The following KHDRBS2 variants were observed in gnomAD, a reference collection of about 807,000 sequenced individuals.
KHDRBS2 encodes KH RNA binding domain containing, signal transduction associated 2, also known as KH domain-containing, RNA-binding, signal transduction-associated protein 2.
KHDRBS2 carries 26 observed loss-of-function variants against 44.3 expected under a neutral mutation model. That is an observed-to-expected ratio of 0.59 (90% CI 0.43 to 0.81). The LOEUF (loss-of-function observed/expected upper bound fraction) is 0.81, where lower values mean the gene tolerates loss of function less well. KHDRBS2 is among the 40% of genes least tolerant of loss of function. The pLI is 0.00. For missense variants in KHDRBS2, 476 were observed against 433.1 expected (o/e 1.10, Z -0.88); for synonymous variants, 194 against 151.1 (o/e 1.28, Z -2.08).
At chr6:62,021,494 CCT>C (rs1227914749) in intron 3 of KHDRBS2, among the ~76,000 whole-genome samples, 3 of 151,790 alleles carry the variant, frequency 2.0e-5, no homozygotes, top group African/African-American at 7.2e-5. Flanking sequence ...TTCTGACAGT[CCT>C]CTTTTTACAC....
intron 1 of KHDRBS2, among the ~76,000 whole-genome samples, chr6:62,243,616 A>C (rs1268376579): frequency 2.6e-5 from 4 of 152,088 alleles, no homozygotes; most frequent in Non-Finnish European, 1.5e-5. Flanking sequence ...AAAAAAAAAA[A>C]AACTCATTAT....
At chr6:61,685,758 T>G (rs545490197) in intron 8 of KHDRBS2, among the ~76,000 whole-genome samples, 1 of 151,762 alleles carries the variant, frequency 6.6e-6, no homozygotes, top group African/African-American at 2.4e-5. Flanking sequence ...ATGAGGCCTA[T>G]TAAGTGCTAT....
At chr6:61,560,533 T>C in the KHDRBS2 span, among the ~76,000 whole-genome samples, 2 of 152,146 alleles carry the variant, frequency 1.3e-5, no homozygotes, top group Admixed American at 6.6e-5. Flanking sequence ...TGTGTTATTT[T>C]CAAATATCCT....
intron 3 of KHDRBS2, among the ~76,000 whole-genome samples, chr6:62,040,592 C>T (rs115083489): frequency 4.3e-4 from 65 of 152,078 alleles, no homozygotes; most frequent in African/African-American, 1.5e-3. Flanking sequence ...ATTCTTTGCT[C>T]GCATGTGTAA....
At chr6:61,615,136 G>A in the KHDRBS2 span, among the ~76,000 whole-genome samples, 224 of 146,064 alleles carry the variant, frequency 1.5e-3, 4 homozygotes, top group African/African-American at 5.4e-3. Flanking sequence ...GGGAGGCTGA[G>A]GCAGGAGAAT....
At chr6:61,971,735 G>A (rs1407303236) in intron 4 of KHDRBS2, among the ~76,000 whole-genome samples, 1 of 151,774 alleles carries the variant, frequency 6.6e-6, no homozygotes, top group Non-Finnish European at 1.5e-5. Context: ...ATTGATTTTC[G>A]TTGACCCTAG....
chr6:62,014,216 T>C (rs957122300), intron 3 of KHDRBS2, among the ~76,000 whole-genome samples: 3 of 152,192 alleles, frequency 2.0e-5, no homozygotes, highest in Non-Finnish European at 4.4e-5. Flanking sequence ...TTCTAAATTT[T>C]TTCAGTCTAC....
intron 4 of KHDRBS2, among the ~76,000 whole-genome samples, chr6:61,949,857 C>T (rs910896102): frequency 6.6e-6 from 1 of 151,858 alleles, no homozygotes; most frequent in African/African-American, 2.4e-5. Flanking sequence ...ATTTTATCTC[C>T]CATTCTTTTA....
intron 1 of KHDRBS2, among the ~76,000 whole-genome samples, chr6:62,280,590 A>T (rs1306857359): frequency 6.6e-6 from 1 of 152,248 alleles, no homozygotes; most frequent in Non-Finnish European, 1.5e-5. Flanking sequence ...AATTCTAAAA[A>T]GGTAAATTAA....
At chr6:61,616,637 C>CA in the KHDRBS2 span, among the ~76,000 whole-genome samples, 1 of 151,992 alleles carries the variant, frequency 6.6e-6, no homozygotes, top group Admixed American at 6.6e-5. Flanking sequence ...GAATGATAAA[C>CA]TTACATATAT....
Position 62,009,743 on chromosome 6 carries a change from C to T in KHDRBS2, c.337-31531G>A, listed in dbSNP as rs1779946878. Among the ~76,000 whole-genome samples the T allele has an allele frequency of 2.0e-5, 3 of 152,190 alleles. No homozygotes were observed. In the South Asian group the frequency reaches 6.2e-4, roughly 32 times the overall value. On this transcript the variant is annotated intron_variant, in intron 3 of 8. Transcript: ENST00000281156. ...CAGGTCATGGCTTCAAAAGGTGCAA[C>T]CCTCAAGCCTTGGCAGCTTCCATGT...
chr6:61,970,790 C>T (rs761223031), intron 4 of KHDRBS2, among the ~76,000 whole-genome samples: 1 of 152,124 alleles, frequency 6.6e-6, no homozygotes, highest in South Asian at 2.1e-4. Context: ...TCTTCATGAC[C>T]TTTTCACAAA....
chr6:62,192,238 A>G (rs1824779595), intron 1 of KHDRBS2, among the ~76,000 whole-genome samples: 1 of 152,092 alleles, frequency 6.6e-6, no homozygotes, highest in Non-Finnish European at 1.5e-5. Context: ...CTCATTACTA[A>G]GTTATTTCTG....
chr6:61,825,603 C>T (rs766964388), intron 6 of KHDRBS2, among the ~76,000 whole-genome samples: 8 of 152,084 alleles, frequency 5.3e-5, no homozygotes, highest in East Asian at 1.9e-4. Context: ...AAAATCATTC[C>T]TTTTGATCTG....
chr6:61,889,980 C>T (rs542613265), intron 6 of KHDRBS2, among the ~76,000 whole-genome samples: 28 of 152,328 alleles, frequency 1.8e-4, no homozygotes, highest in African/African-American at 6.3e-4. Context: ...AACGTCTCCA[C>T]TTCAGAGAGA....
rs1003439597 is a variant in KHDRBS2, at chr6:61,737,695, G to A, written c.811-4931C>T. Reference sequence around the variant, plus strand: ...GCAGCTAGGGTAGGGAGAGACAACCGCAGAGCCATAAAAGGCATGGACTCC... The same window carrying A: ...GCAGCTAGGGTAGGGAGAGACAACCACAGAGCCATAAAAGGCATGGACTCC... On this transcript the variant is annotated intron_variant, in intron 6 of 8. Transcript: ENST00000281156. Among the ~76,000 whole-genome samples the A allele has an allele frequency of 1.3e-5, 2 of 151,936 alleles. 1 individual carries two copies. Among genetic ancestry groups the A allele is most frequent in the Non-Finnish European group, 2.9e-5 (2 of 67,966 alleles).
At chr6:62,072,973 G>GTTGGT (rs1795522916) in intron 2 of KHDRBS2, among the ~76,000 whole-genome samples, 1 of 151,938 alleles carries the variant, frequency 6.6e-6, no homozygotes, top group Non-Finnish European at 1.5e-5. Flanking sequence ...TCTGGTCCTG[G>GTTGGT]ACTTTTTTTG....
chr6:62,059,672 A>T (rs1791258945), intron 2 of KHDRBS2, among the ~76,000 whole-genome samples: 2 of 151,778 alleles, frequency 1.3e-5, no homozygotes, highest in Admixed American at 1.3e-4. Flanking sequence ...AAATGGAGAA[A>T]CCTAGCAATC....
chr6:61,697,064 C>G, intron 8 of KHDRBS2, 131 bp downstream of exon 8: 2 of 712,484 alleles, frequency 2.8e-6, no homozygotes, highest in Admixed American at 2.3e-5. Flanking sequence ...AAATCTCACC[C>G]TGGAATTACA....
Sources: allele counts gnomAD v4.1 joint callset (sites outside exome capture counted in the v4.1 genomes callset), GRCh38; gene constraint gnomAD v4.1.1; transcripts MANE v1.5; gene names NCBI Gene and HGNC (gene_info 2026-07-23, HGNC 2026-07-21).